Variants in NCAM2 observed in about 807,000 individuals in gnomAD.
NCAM2 encodes the protein neural cell adhesion molecule 2.
A neutral mutation model predicts 98.1 loss-of-function variants in NCAM2; 30 were observed. The observed-to-expected ratio is 0.31, with a 90% CI of 0.23 to 0.41. The LOEUF is 0.41. Ranked by LOEUF, NCAM2 falls within the 10% of genes least tolerant of loss-of-function variation. The probability of loss-of-function intolerance (pLI) is 1.00; values close to 1 mark genes in which losing one functional copy is unlikely to be tolerated. For missense variants in NCAM2, 867 were observed against 1,005.8 expected (o/e 0.86, Z 1.87); for synonymous variants, 368 against 342.4 (o/e 1.07, Z -0.83).
chr21:21,514,305 A>G (rs999661114), intron 16 of NCAM2, among the ~76,000 whole-genome samples: 23 of 151,488 alleles, frequency 1.5e-4, no homozygotes, highest in Non-Finnish European at 3.0e-4. Flanking sequence ...GCGAAACCCC[A>G]TCTTTACTAA....
At chr21:21,471,427 G>T (rs567911663) in intron 14 of NCAM2, among the ~76,000 whole-genome samples, 1 of 151,764 alleles carries the variant, frequency 6.6e-6, no homozygotes, top group Non-Finnish European at 1.5e-5. Context: ...TCATCTATTA[G>T]TTTCTCAAAC....
At chr21:21,109,820 G>A (rs962901106) in intron 1 of NCAM2, among the ~76,000 whole-genome samples, 1 of 152,150 alleles carries the variant, frequency 6.6e-6, no homozygotes, top group Non-Finnish European at 1.5e-5. Context: ...TTTGGCATGG[G>A]TTAACAACTC....
intron 1 of NCAM2, among the ~76,000 whole-genome samples, chr21:21,071,238 A>G (rs2065555924): frequency 6.6e-6 from 1 of 152,208 alleles, no homozygotes; most frequent in Admixed American, 6.5e-5. Context: ...GGGAATAGAC[A>G]TTTGAAAGAA....
intron 1 of NCAM2, among the ~76,000 whole-genome samples, chr21:21,072,052 A>G (rs2065583512): frequency 6.6e-6 from 1 of 151,864 alleles, no homozygotes; most frequent in African/African-American, 2.4e-5. Context: ...AGCTGGGACT[A>G]CAGGCACCCG....
chr21:21,439,625 C>G (rs556595211), intron 12 of NCAM2, among the ~76,000 whole-genome samples: 1 of 152,042 alleles, frequency 6.6e-6, no homozygotes, highest in East Asian at 1.9e-4. Context: ...GGTCAGAAAA[C>G]TAATTTTGAA....
At chr21:21,462,711 C>T (rs1331219725) in intron 12 of NCAM2, among the ~76,000 whole-genome samples, 1 of 151,798 alleles carries the variant, frequency 6.6e-6, no homozygotes, top group Non-Finnish European at 1.5e-5. Context: ...GGTGATAAAG[C>T]GTTATTTCTA....
At chr21:21,003,103 A>C (rs1301903578) in intron 1 of NCAM2, among the ~76,000 whole-genome samples, 1 of 152,104 alleles carries the variant, frequency 6.6e-6, no homozygotes, top group African/African-American at 2.4e-5. Context: ...TTATAATAAG[A>C]GTACTAATCA....
intron 8 of NCAM2, among the ~76,000 whole-genome samples, chr21:21,349,109 T>C (rs1568964017): frequency 6.6e-6 from 1 of 152,130 alleles, no homozygotes. Context: ...TTAAAAGCCT[T>C]CTGCACATCA....
At chr21:21,333,621 G>T (rs780895493) in intron 6 of NCAM2, among the ~76,000 whole-genome samples, 1 of 152,176 alleles carries the variant, frequency 6.6e-6, no homozygotes, top group South Asian at 2.1e-4. Context: ...TTTATTAATG[G>T]GTGAGCCTGT....
chr21:21,334,041 G>A lies in NCAM2; in HGVS notation c.738-1464G>A, dbSNP rs147297602. Among the ~76,000 whole-genome samples the A allele has an allele frequency of 3.0e-3, 449 of 152,008 alleles. 3 individuals carry two copies. The highest frequency in any genetic ancestry group is 0.01 in the African/African-American group (427 of 41,458). On this transcript the variant is annotated intron_variant, in intron 6 of 17. Transcript: ENST00000400546. ...GTGTGATCTCAGCTCCCTGCAACCTGCCTCAGCATCCCTTCGGAGTAGCTG... is the reference window on the plus strand; with the variant it reads ...GTGTGATCTCAGCTCCCTGCAACCTACCTCAGCATCCCTTCGGAGTAGCTG...
chr21:21,518,606 A>T (rs1326484055), intron 16 of NCAM2, among the ~76,000 whole-genome samples: 1 of 151,526 alleles, frequency 6.6e-6, no homozygotes, highest in Non-Finnish European at 1.5e-5. Context: ...AACACATAGA[A>T]TAAATATTAT....
chr21:21,503,149 C>T (rs184280422), intron 15 of NCAM2, among the ~76,000 whole-genome samples: 97 of 152,042 alleles, frequency 6.4e-4, no homozygotes, highest in Non-Finnish European at 1.2e-3. Flanking sequence ...CCAAAACTCT[C>T]AGTGGATGCC....
rs903252500 is a variant in NCAM2 at position 21,540,296 on chromosome 21, T to C, written c.*2339T>C. On this transcript the variant is annotated 3_prime_UTR_variant, in exon 18 of 18. Transcript: ENST00000400546. ...ATATATATATACACATATATATACA[T>C]ATATATATATGATGTTAAATTTCCT... 4.5e-5 allele frequency: 2 copies of C among 44,280 alleles called. No individual in the cohort carries two copies. The highest frequency in any genetic ancestry group is 2.4e-4 in the African/African-American group (2 of 8,456). 2.7% of individuals were successfully genotyped at this position (44,280 alleles called of 1,614,324 possible).
intron 1 of NCAM2, among the ~76,000 whole-genome samples, chr21:21,197,010 C>T (rs940286724): frequency 6.6e-6 from 1 of 152,200 alleles, no homozygotes; most frequent in Non-Finnish European, 1.5e-5. Flanking sequence ...TCCTGTGTTG[C>T]CTTCTTCTGT....
intron 1 of NCAM2, among the ~76,000 whole-genome samples, chr21:21,272,825 G>A (rs2072569184): frequency 6.6e-6 from 1 of 151,958 alleles, no homozygotes; most frequent in African/African-American, 2.4e-5. Flanking sequence ...GAATGCTCTT[G>A]AATTTTGATA....
chr21:21,241,833 T>C (rs1368051031), intron 1 of NCAM2, among the ~76,000 whole-genome samples: 1 of 152,152 alleles, frequency 6.6e-6, no homozygotes, highest in Non-Finnish European at 1.5e-5. Flanking sequence ...ATGGTGAGTG[T>C]TCAAAAACTG....
intron 1 of NCAM2, among the ~76,000 whole-genome samples, chr21:21,007,801 G>A (rs1421400193): frequency 6.6e-6 from 1 of 152,028 alleles, no homozygotes; most frequent in East Asian, 1.9e-4. Context: ...CCTGTATCTC[G>A]TGCCAACCTC....
intron 3 of NCAM2, among the ~76,000 whole-genome samples, chr21:21,285,774 T>C (rs929925153): frequency 1.3e-5 from 2 of 151,900 alleles, no homozygotes; most frequent in Admixed American, 6.6e-5. Context: ...CTGAAACAGA[T>C]ACATAGATGC....
intron 1 of NCAM2, among the ~76,000 whole-genome samples, chr21:21,069,503 G>T (rs1204669356): frequency 6.7e-6 from 1 of 149,414 alleles, no homozygotes; most frequent in Admixed American, 6.6e-5. Context: ...ACTACCCATA[G>T]TATAGTAATA....
Sources: allele counts gnomAD v4.1 joint callset (sites outside exome capture counted in the v4.1 genomes callset), GRCh38; gene constraint gnomAD v4.1.1; transcripts MANE v1.5; gene names NCBI Gene and HGNC (gene_info 2026-07-23, HGNC 2026-07-21).